Variants in NDST1 observed in about 807,000 individuals in gnomAD.
The protein encoded by NDST1 is bifunctional heparan sulfate N-deacetylase/N-sulfotransferase 1.
NDST1 carries 35 observed loss-of-function variants against 92.8 expected under a neutral mutation model. The observed-to-expected ratio is 0.38, with a 90% CI of 0.29 to 0.50. The LOEUF is 0.50. NDST1 is among the 20% of genes least tolerant of loss of function. The probability of loss-of-function intolerance (pLI) is 0.94; values close to 1 mark genes in which losing one functional copy is unlikely to be tolerated. For missense variants in NDST1, 822 were observed against 1,182.7 expected, an observed-to-expected ratio of 0.69 and a Z score of 4.47; for synonymous variants, 493 against 500.3, an observed-to-expected ratio of 0.99 and a Z score of 0.19.
At chr5:150,511,140 G>T (rs1467846415) in intron 1 of NDST1, among the ~76,000 whole-genome samples, 1 of 152,244 alleles carries the variant, frequency 6.6e-6, no homozygotes, top group Non-Finnish European at 1.5e-5. Context: ...TGGTGCTGTG[G>T]TAAGGTTGAA....
In NDST1 at chr5:150,553,455, T is replaced by C; in HGVS notation, c.*123T>C. On this transcript the variant is annotated 3_prime_UTR_variant, in exon 15 of 15. Transcript: ENST00000261797. This position sits in a 1 kb window ranked among gnomAD's most constrained non-coding sequence, Gnocchi z 4.2. ...CTGCGCACTTATGAGCAATACTCTG[T>C]GGAGGTCTGGTGGGGCTGGGGGAGC... is the stretch of plus-strand genomic sequence containing the variant. 7.3e-7 allele frequency: 1 copy of C among 1,367,726 alleles called. No individual in the cohort carries two copies. Among genetic ancestry groups the C allele is most frequent in the Non-Finnish European group, 1.0e-6 (1 of 972,784 alleles). The allele number at this position is 1,367,726 out of a possible 1,614,324, so 84.7% of individuals were successfully genotyped here. A position where few individuals can be genotyped will look rare whatever the true frequency, so the allele number is the denominator to read the frequency against.
At chr5:150,514,087 C>G (rs1204544541) in intron 1 of NDST1, among the ~76,000 whole-genome samples, 2 of 152,226 alleles carry the variant, frequency 1.3e-5, no homozygotes, top group Admixed American at 6.5e-5. Context: ...ATGCCCCTGC[C>G]TACCCCAAGC....
At chr5:150,517,358 T>C (rs945045793) in intron 1 of NDST1, among the ~76,000 whole-genome samples, 1 of 151,580 alleles carries the variant, frequency 6.6e-6, no homozygotes, top group African/African-American at 2.4e-5. Flanking sequence ...CAGGCTGGTC[T>C]TGAACTCCTG....
chr5:150,501,090 G>A (rs995724617), intron 1 of NDST1, among the ~76,000 whole-genome samples: 1 of 152,118 alleles, frequency 6.6e-6, no homozygotes, highest in African/African-American at 2.4e-5. Flanking sequence ...CCCATTTTTT[G>A]TTGTTGTTGT....
Position 150,526,071 on chromosome 5 carries a change from C to T in NDST1, c.514-1733C>T, listed in dbSNP as rs575907762. Among the ~76,000 whole-genome samples, 150 of 152,334 alleles carry T rather than the reference C, an allele frequency of 9.8e-4. 1 individual carries two copies. The highest frequency in any genetic ancestry group is 8.5e-3 in the South Asian group (41 of 4,822). On this transcript the variant is annotated intron_variant, in intron 2 of 14. Coordinates refer to ENST00000261797, the MANE Select transcript of NDST1 (RefSeq NM_001543.5). ...GTCTTCTTGCTATTCCTTGGTCATG[C>T]TGAGGCCTGTCCTACCTCAGGGCCT...
intron 8 of NDST1, 52 bp downstream of exon 8, chr5:150,540,316 C>A: frequency 6.5e-7 from 1 of 1,535,822 alleles, no homozygotes; most frequent in Non-Finnish European, 8.8e-7. Flanking sequence ...AACGCCACCA[C>A]TCACAGGCAC....
chr5:150,520,719 G>C (rs1461083327), intron 1 of NDST1, 149 bp from the exon 2 acceptor site: 2 of 382,478 alleles, frequency 5.2e-6, no homozygotes, highest in African/African-American at 4.1e-5. Flanking sequence ...GGGGCTCAGA[G>C]ATATTAAAGA....
chr5:150,537,041 G>A (rs913759948), intron 6 of NDST1, among the ~76,000 whole-genome samples: 1 of 152,178 alleles, frequency 6.6e-6, no homozygotes, highest in Non-Finnish European at 1.5e-5. Context: ...CATGGCAGAA[G>A]AACATAAATT....
In NDST1 at chr5:150,553,256, A is replaced by T. The variant is rs1755800344; in HGVS notation, c.2573A>T (p.Glu858Val). The T allele has an allele frequency of 1.2e-6, 2 of 1,613,844 alleles. No homozygotes were observed. Among genetic ancestry groups the T allele is most frequent in the Non-Finnish European group, 1.7e-6 (2 of 1,179,800 alleles). Reference protein sequence around the residue: ...LKDYYRDHNIELSKLLYKMGQ... With the variant: ...LKDYYRDHNIVLSKLLYKMGQ... Reference sequence around the variant, plus strand: ...GACTATTACCGGGACCACAACATCGAGCTCTCCAAGCTGCTGTATAAGATG... The same window carrying T: ...GACTATTACCGGGACCACAACATCGTGCTCTCCAAGCTGCTGTATAAGATG... Residue 858 changes from glutamate to valine, a missense_variant, in exon 15 of 15, where the codon GAG (glutamate) becomes GTG (valine). By Grantham distance (121) the Glu-to-Val change is moderately radical. Coordinates refer to ENST00000261797, the MANE Select transcript of NDST1 (RefSeq NM_001543.5). This position sits in a 1 kb window ranked among gnomAD's most constrained non-coding sequence, Gnocchi z 4.2.
rs1755829753 is a variant in NDST1 at position 150,554,407 on chromosome 5, A to G, written c.*1075A>G. ...TTTTTTTTGGTTGGGTTCGTTTTTA[A>G]TTCAGTCCTACAAAATGGTGGTAAG... is the stretch of plus-strand genomic sequence containing the variant. On this transcript the variant is annotated 3_prime_UTR_variant, in exon 15 of 15. Coordinates refer to ENST00000261797, the MANE Select transcript of NDST1 (RefSeq NM_001543.5). 1 of 147,460 alleles carries G rather than the reference A, an allele frequency of 6.8e-6. No homozygotes were observed. The highest frequency in any genetic ancestry group is 1.5e-5 in the Non-Finnish European group (1 of 68,500). The allele number at this position is 147,460 out of a possible 1,614,324, so 9.1% of individuals were successfully genotyped here.
At chr5:150,546,977 TG>T (rs990763577) in intron 11 of NDST1, among the ~76,000 whole-genome samples, 4 of 152,174 alleles carry the variant, frequency 2.6e-5, no homozygotes, top group African/African-American at 9.7e-5. Flanking sequence ...TCTGCTTTCA[TG>T]GGGGAACGTA....
At chr5:150,512,217 C>A (rs980043117) in intron 1 of NDST1, among the ~76,000 whole-genome samples, 5 of 152,058 alleles carry the variant, frequency 3.3e-5, no homozygotes, top group African/African-American at 9.7e-5. Context: ...GCCATTTGAG[C>A]CTGTCATGTG....
Position 150,553,756 on chromosome 5 carries a change from G to C in NDST1, c.*424G>C. 2.4e-6 allele frequency: 1 copy of C among 418,760 alleles called. No homozygotes were observed. Among genetic ancestry groups the C allele is most frequent in the Non-Finnish European group, 4.5e-6 (1 of 224,438 alleles). 25.9% of individuals were successfully genotyped at this position (418,760 alleles called of 1,614,324 possible). ...GGCTGTAGGGGAGGAGAGCCTGGCCGGGGGAGACAGACTGGACATTTCCCT... is the reference window on the plus strand; with the variant it reads ...GGCTGTAGGGGAGGAGAGCCTGGCCCGGGGAGACAGACTGGACATTTCCCT... On this transcript the variant is annotated 3_prime_UTR_variant, in exon 15 of 15. Transcript: ENST00000261797. This position sits in a 1 kb window ranked among gnomAD's most constrained non-coding sequence, Gnocchi z 4.2.
Position 150,535,898 on chromosome 5 carries a change from C to G in NDST1, c.1437+13C>G. Reference sequence around the variant, plus strand: ...CAATGGCATCATGGTGAGTGGGCCCCTGGAAGCCCAGGAGGTGGGAGAATG... The same window carrying G: ...CAATGGCATCATGGTGAGTGGGCCCGTGGAAGCCCAGGAGGTGGGAGAATG... On this transcript the variant is annotated intron_variant, in intron 6 of 14. Coordinates refer to ENST00000261797, the MANE Select transcript of NDST1 (RefSeq NM_001543.5). The G allele has an allele frequency of 6.2e-7, 1 of 1,611,778 alleles. No homozygotes were observed. The highest frequency in any genetic ancestry group is 8.5e-7 in the Non-Finnish European group (1 of 1,178,964).
rs758708151 is a variant in NDST1 at position 150,535,771 on chromosome 5, G to A, written c.1323G>A (p.Val441=). 95 of 1,614,118 alleles carry A rather than the reference G, an allele frequency of 5.9e-5. 2 individuals are homozygous for A. In the South Asian group the frequency reaches 9.9e-4, roughly 17 times the overall value. The change falls in exon 6 of 15, where the codon GTG becomes GTA. Residue 441 remains valine, a synonymous_variant. Coordinates refer to ENST00000261797, the MANE Select transcript of NDST1 (RefSeq NM_001543.5). ...ACTCGGGCGTGTACCCCGTGCACGT[G>A]CAGCTGTACGAGGCTTGGAAGCAGG... ...PHHSGVYPVH[V]QLYEAWKQVW... is the part of the protein sequence containing the mutation.
chr5:150,532,923 C>T, intron 3 of NDST1, 22 bp from the exon 4 acceptor site: 4 of 1,611,738 alleles, frequency 2.5e-6, no homozygotes, highest in Non-Finnish European at 3.4e-6. Context: ...TCACTCATTC[C>T]TTTCTCCCCT....
At chr5:150,523,193 C>CA (rs1360467001) in intron 2 of NDST1, among the ~76,000 whole-genome samples, 1 of 152,224 alleles carries the variant, frequency 6.6e-6, no homozygotes, top group East Asian at 1.9e-4. Flanking sequence ...GGCTTGATCA[C>CA]AAAACCCTTT....
At chr5:150,523,064 G>A (rs568545718) in intron 2 of NDST1, among the ~76,000 whole-genome samples, 19 of 152,186 alleles carry the variant, frequency 1.2e-4, no homozygotes, top group East Asian at 5.8e-4. Context: ...TTCTCATGGC[G>A]TGTTCTTTCA....
intron 2 of NDST1, among the ~76,000 whole-genome samples, chr5:150,526,617 C>T (rs551992871): frequency 1.1e-4 from 17 of 152,180 alleles, no homozygotes; most frequent in African/African-American, 2.9e-4. Flanking sequence ...GGAGATAGAA[C>T]GCTGAAAATA....
Sources: gnomAD v4.1 joint callset for allele counts (sites outside exome capture counted in the v4.1 genomes callset) on GRCh38, gnomAD v4.1.1 for gene constraint, Gnocchi (gnomAD v3.1) non-coding constraint, MANE v1.5 for transcripts, NCBI Gene and HGNC (gene_info 2026-07-23, HGNC 2026-07-21) for gene names.